HS2ST1: variants seen among roughly 807,000 people sequenced by gnomAD.
HS2ST1 encodes the protein 2-O-sulfotransferase.
In HS2ST1, 18 loss-of-function variants were observed where a neutral mutation model predicts 42.9. The observed-to-expected ratio is 0.42, with a 90% CI of 0.29 to 0.62. HS2ST1 has a LOEUF of 0.62. Among genes scored for constraint, HS2ST1 ranks in the 20% least tolerant of loss-of-function variants. HS2ST1 has a pLI of 0.21. For missense variants in HS2ST1, 334 were observed against 433.8 expected, an observed-to-expected ratio of 0.77 and a Z score of 2.04; for synonymous variants, 146 against 152.9, an observed-to-expected ratio of 0.95 and a Z score of 0.33.
At chr1:87,023,904 C>G (rs1467107721) in intron 1 of HS2ST1, among the ~76,000 whole-genome samples, 2 of 151,580 alleles carry the variant, frequency 1.3e-5, no homozygotes, top group African/African-American at 2.4e-5. Flanking sequence ...TGGGACATAT[C>G]CATAGTAGAA....
chr1:87,002,815 T>C (rs1649330757), intron 1 of HS2ST1, among the ~76,000 whole-genome samples: 1 of 152,012 alleles, frequency 6.6e-6, no homozygotes, highest in African/African-American at 2.4e-5. Context: ...TGATCGGACG[T>C]TTTGGGAGTC....
intron 1 of HS2ST1, among the ~76,000 whole-genome samples, chr1:86,956,979 G>T (rs1339954304): frequency 1.3e-5 from 2 of 152,134 alleles, no homozygotes; most frequent in Non-Finnish European, 2.9e-5. Context: ...TCACAATTTA[G>T]TGGTTTGAAA....
chr1:87,080,669 A>G (rs1461496637), intron 2 of HS2ST1, among the ~76,000 whole-genome samples: 1 of 152,196 alleles, frequency 6.6e-6, no homozygotes, highest in Non-Finnish European at 1.5e-5. Context: ...GGCACTGAAG[A>G]GGATAGGAAA....
intron 6 of HS2ST1, among the ~76,000 whole-genome samples, chr1:87,104,109 TGA>T (rs1466259443): frequency 6.6e-6 from 1 of 152,126 alleles, no homozygotes; most frequent in Non-Finnish European, 1.5e-5. Flanking sequence ...ATACAGATTA[TGA>T]GAAAATAGAA....
intron 1 of HS2ST1, among the ~76,000 whole-genome samples, chr1:87,048,180 AT>A (rs1233656044): frequency 2.0e-5 from 3 of 152,052 alleles, no homozygotes; most frequent in Admixed American, 2.0e-4. Flanking sequence ...TTTACATGGT[AT>A]TTTTTATGTG....
chr1:87,050,552 G>A (rs936748138), intron 1 of HS2ST1, among the ~76,000 whole-genome samples: 2 of 151,872 alleles, frequency 1.3e-5, no homozygotes, highest in Admixed American at 6.6e-5. Context: ...GTACCCACAG[G>A]GTCACAAACC....
At chr1:86,965,846 A>G (rs981827244) in intron 1 of HS2ST1, among the ~76,000 whole-genome samples, 1 of 152,224 alleles carries the variant, frequency 6.6e-6, no homozygotes, top group African/African-American at 2.4e-5. Flanking sequence ...AGAATAGTTT[A>G]TACAAGGAAT....
intron 1 of HS2ST1, among the ~76,000 whole-genome samples, chr1:86,916,763 A>G (rs921531955): frequency 1.3e-5 from 2 of 152,206 alleles, no homozygotes; most frequent in African/African-American, 2.4e-5. Context: ...CTCTACAGAA[A>G]AAAAGACTCC....
chr1:87,094,026 C>T (rs1229121252), intron 4 of HS2ST1, among the ~76,000 whole-genome samples: 4 of 151,886 alleles, frequency 2.6e-5, no homozygotes, highest in Non-Finnish European at 5.9e-5. Flanking sequence ...GGAGATTCTG[C>T]GAAGTTTTAT....
intron 1 of HS2ST1, among the ~76,000 whole-genome samples, chr1:86,919,807 T>G (rs1660252494): frequency 2.0e-5 from 3 of 152,226 alleles, no homozygotes; most frequent in African/African-American, 7.2e-5. Context: ...GAGTTAAATT[T>G]AGGAGATAAG....
chr1:86,929,550 T>C (rs1343157880), intron 1 of HS2ST1, among the ~76,000 whole-genome samples: 1 of 151,882 alleles, frequency 6.6e-6, no homozygotes, highest in East Asian at 1.9e-4. Context: ...TTCCTATTAA[T>C]ACCTGTGAAA....
chr1:86,914,975 T>C lies in HS2ST1; in HGVS notation c.-62T>C. The C allele has an allele frequency of 6.2e-7, 1 of 1,602,232 alleles. No homozygotes were observed. The highest frequency in any genetic ancestry group is 8.5e-7 in the Non-Finnish European group (1 of 1,174,994). ...CGGCGGGCTCCTCCCGGCGTCTCTCTCGCCTCCGGGGTCCCGCTCCCCGCC... is the reference window on the plus strand; with the variant it reads ...CGGCGGGCTCCTCCCGGCGTCTCTCCCGCCTCCGGGGTCCCGCTCCCCGCC... On this transcript the variant is annotated 5_prime_UTR_variant, in exon 1 of 7. Transcript: ENST00000370550.
chr1:86,939,367 G>A (rs1342692449), intron 1 of HS2ST1, among the ~76,000 whole-genome samples: 1 of 152,064 alleles, frequency 6.6e-6, no homozygotes, highest in African/African-American at 2.4e-5. Flanking sequence ...TGTTTTTGTA[G>A]TGGGAAAATT....
intron 1 of HS2ST1, among the ~76,000 whole-genome samples, chr1:87,063,904 C>T (rs182168892): frequency 2.7e-4 from 41 of 152,226 alleles, no homozygotes; most frequent in Admixed American, 9.8e-4. Context: ...TATTATAAGA[C>T]TCTGGGTCTA....
intron 3 of HS2ST1, 27 bp from the exon 4 acceptor site, chr1:87,092,504 C>T: frequency 1.3e-6 from 2 of 1,512,378 alleles, no homozygotes; most frequent in Admixed American, 4.5e-5. Flanking sequence ...ATGTTGATTT[C>T]ACCTTTGAAA....
chr1:87,031,322 C>A (rs1395796033), intron 1 of HS2ST1, among the ~76,000 whole-genome samples: 1 of 152,208 alleles, frequency 6.6e-6, no homozygotes, highest in Non-Finnish European at 1.5e-5. Context: ...TCCAGACCAA[C>A]TAAATCAGAG....
At chr1:86,975,254 C>T (rs1347292103) in intron 1 of HS2ST1, among the ~76,000 whole-genome samples, 4 of 150,964 alleles carry the variant, frequency 2.6e-5, no homozygotes, top group Non-Finnish European at 5.9e-5. Flanking sequence ...GAAAAGAGAT[C>T]AGTGTTTTAA....
intron 1 of HS2ST1, chr1:86,932,567 T>A (rs1482759726): frequency 6.6e-6 from 1 of 152,222 alleles, no homozygotes; most frequent in African/African-American, 2.4e-5. Context: ...TACATTGATT[T>A]GTTATTTGTA....
rs555267145 is a variant in HS2ST1, at chr1:86,918,955, A to AT, written c.124+3803dup. Among the ~76,000 whole-genome samples the AT allele has an allele frequency of 4.6e-3, 683 of 147,842 alleles. 4 individuals carry two copies. Among genetic ancestry groups the AT allele is most frequent in the Middle Eastern group, 0.021 (6 of 290 alleles). On this transcript the variant is annotated intron_variant, in intron 1 of 6. Coordinates refer to ENST00000370550, the MANE Select transcript of HS2ST1 (RefSeq NM_012262.4). ...TTTATCTATCCTATGTCTTTTTTAA[A>AT]TTTTTTTTATTTTTATTTATTTATT...
Sources: allele counts gnomAD v4.1 joint callset (sites outside exome capture counted in the v4.1 genomes callset), GRCh38; gene constraint gnomAD v4.1.1; transcripts MANE v1.5; gene names NCBI Gene and HGNC (gene_info 2026-07-23, HGNC 2026-07-21).